The following HS6ST3 variants were observed in gnomAD, a reference collection of about 807,000 sequenced individuals.
HS6ST3 encodes the protein heparan-sulfate 6-O-sulfotransferase 3.
A neutral mutation model predicts 36.7 loss-of-function variants in HS6ST3; 12 were observed. The observed-to-expected ratio is 0.33, with a 90% CI of 0.21 to 0.53. The LOEUF (loss-of-function observed/expected upper bound fraction) is 0.53. HS6ST3 is among the 20% of genes least tolerant of loss of function. HS6ST3 has a pLI of 0.95. For synonymous variants in HS6ST3, 240 were observed against 257.5 expected (o/e 0.93, Z 0.65); for missense variants, 584 against 640.9 (o/e 0.91, Z 0.96).
chr13:96,270,904 C>T (rs375820873), intron 1 of HS6ST3, among the ~76,000 whole-genome samples: 1 of 151,878 alleles, frequency 6.6e-6, no homozygotes, highest in Admixed American at 6.6e-5. Flanking sequence ...GAATGTTCTT[C>T]TCCACCCCTT....
chr13:96,339,046 A>C (rs1305778377), intron 1 of HS6ST3, among the ~76,000 whole-genome samples: 1 of 152,122 alleles, frequency 6.6e-6, no homozygotes, highest in Admixed American at 6.5e-5. Flanking sequence ...TGTTGTGCTT[A>C]CCAAGGATGA....
intron 1 of HS6ST3, among the ~76,000 whole-genome samples, chr13:96,656,012 A>T (rs903703865): frequency 6.6e-6 from 1 of 152,148 alleles, no homozygotes; most frequent in Non-Finnish European, 1.5e-5. Flanking sequence ...GACAAGAGGA[A>T]ATTAGATGAT....
intron 1 of HS6ST3, among the ~76,000 whole-genome samples, chr13:96,361,060 T>C (rs2055236342): frequency 6.6e-6 from 1 of 152,152 alleles, no homozygotes; most frequent in Admixed American, 6.6e-5. Flanking sequence ...AATGGTATAT[T>C]AGTTAGATAA....
At chr13:96,529,437 C>A (rs1386491294) in intron 1 of HS6ST3, among the ~76,000 whole-genome samples, 1 of 152,010 alleles carries the variant, frequency 6.6e-6, no homozygotes, top group African/African-American at 2.4e-5. Flanking sequence ...CAAGGTAGAA[C>A]CTGAAATTTA....
chr13:96,565,239 G>A (rs988610436), intron 1 of HS6ST3, among the ~76,000 whole-genome samples: 3 of 152,088 alleles, frequency 2.0e-5, no homozygotes, highest in Admixed American at 2.0e-4. Flanking sequence ...GGAAGAAATT[G>A]AGTGGAGAAG....
chr13:96,234,284 C>G (rs1379824636), intron 1 of HS6ST3, among the ~76,000 whole-genome samples: 1 of 151,970 alleles, frequency 6.6e-6, no homozygotes, highest in Admixed American at 6.6e-5. Flanking sequence ...GTGGCACGTG[C>G]CTGTAATCCC....
Position 96,833,236 on chromosome 13 carries a change from G to C in HS6ST3, c.*38G>C, listed in dbSNP as rs1439825722. On this transcript the variant is annotated 3_prime_UTR_variant, in exon 2 of 2. Coordinates refer to ENST00000376705, the MANE Select transcript of HS6ST3 (RefSeq NM_153456.4). The stretch of plus-strand genomic sequence containing the variant: ...TCCTCTCTCAGGAGGGGGAGGGTGA[G>C]CAGGCACATTGACTTTCTGTTGAGG... The C allele has an allele frequency of 6.9e-7, 1 of 1,445,192 alleles. No homozygotes were observed. Among genetic ancestry groups the C allele is most frequent in the East Asian group, 2.4e-5 (1 of 41,172 alleles). 89.5% of individuals were successfully genotyped at this position (1,445,192 alleles called of 1,614,324 possible).
At chr13:96,816,591 G>A (rs986835300) in intron 1 of HS6ST3, among the ~76,000 whole-genome samples, 3 of 152,170 alleles carry the variant, frequency 2.0e-5, no homozygotes, top group African/African-American at 7.2e-5. Flanking sequence ...GATTATGAGG[G>A]ACAATCGTGC....
chr13:96,361,410 A>G (rs2055238077), intron 1 of HS6ST3, among the ~76,000 whole-genome samples: 1 of 152,218 alleles, frequency 6.6e-6, no homozygotes, highest in South Asian at 2.1e-4. Flanking sequence ...AAGAAGTTTT[A>G]AAAGACTAAT....
chr13:96,193,474 T>C (rs1297567217), intron 1 of HS6ST3, among the ~76,000 whole-genome samples: 1 of 152,084 alleles, frequency 6.6e-6, no homozygotes, highest in Non-Finnish European at 1.5e-5. Flanking sequence ...ATAAGCTCTC[T>C]AAGAGAGCTG....
intron 1 of HS6ST3, among the ~76,000 whole-genome samples, chr13:96,222,401 A>G (rs928725437): frequency 3.9e-5 from 6 of 152,238 alleles, no homozygotes; most frequent in Non-Finnish European, 8.8e-5. Context: ...GCTGAAGATT[A>G]ATACCACAGG....
intron 1 of HS6ST3, among the ~76,000 whole-genome samples, chr13:96,359,156 G>A (rs954841055): frequency 6.6e-6 from 1 of 152,068 alleles, no homozygotes; most frequent in African/African-American, 2.4e-5. Flanking sequence ...GGGTGCTTGG[G>A]AAAGGCCTAA....
intron 1 of HS6ST3, among the ~76,000 whole-genome samples, chr13:96,587,008 T>G (rs900487151): frequency 1.3e-5 from 2 of 152,196 alleles, no homozygotes; most frequent in Non-Finnish European, 2.9e-5. Flanking sequence ...TTTTTCTATA[T>G]GTAGTTGTTT....
intron 1 of HS6ST3, among the ~76,000 whole-genome samples, chr13:96,438,014 A>G (rs1036655486): frequency 6.6e-6 from 1 of 152,226 alleles, no homozygotes; most frequent in Non-Finnish European, 1.5e-5. Flanking sequence ...CGCTCTTAAC[A>G]GTGAACTCGC....
intron 1 of HS6ST3, among the ~76,000 whole-genome samples, chr13:96,223,116 C>G (rs2054463944): frequency 6.6e-6 from 1 of 152,182 alleles, no homozygotes; most frequent in South Asian, 2.1e-4. Flanking sequence ...CTTTGGAATA[C>G]TTGGTTTCAT....
intron 1 of HS6ST3, among the ~76,000 whole-genome samples, chr13:96,796,468 C>T (rs953337589): frequency 2.6e-5 from 4 of 152,050 alleles, no homozygotes; most frequent in Non-Finnish European, 2.9e-5. Context: ...CACTGTTCAA[C>T]TTAATGAAGT....
intron 1 of HS6ST3, among the ~76,000 whole-genome samples, chr13:96,198,123 G>T (rs1475941201): frequency 1.3e-5 from 2 of 152,218 alleles, no homozygotes; most frequent in Non-Finnish European, 2.9e-5. Context: ...AAGGCTCGGG[G>T]CTTACACCCT....
intron 1 of HS6ST3, among the ~76,000 whole-genome samples, chr13:96,325,577 G>A (rs2055026630): frequency 6.6e-6 from 1 of 152,178 alleles, no homozygotes; most frequent in African/African-American, 2.4e-5. Context: ...ATGGAAGGAT[G>A]TGTGTAGATT....
intron 1 of HS6ST3, among the ~76,000 whole-genome samples, chr13:96,268,048 T>G (rs552515004): frequency 4.3e-4 from 66 of 152,022 alleles, no homozygotes; most frequent in Middle Eastern, 3.4e-3. Context: ...TGTCTCTTCA[T>G]CTTTTATAAG....
Sources: gnomAD v4.1 joint callset for allele counts (sites outside exome capture counted in the v4.1 genomes callset) on GRCh38, gnomAD v4.1.1 for gene constraint, MANE v1.5 for transcripts, NCBI Gene and HGNC (gene_info 2026-07-23, HGNC 2026-07-21) for gene names.